The following CCDC149 variants were observed in gnomAD, a reference collection of about 807,000 sequenced individuals.
CCDC149 encodes coiled-coil domain-containing protein 149.
CCDC149 carries 45 observed loss-of-function variants against 59.9 expected under a neutral mutation model. The ratio of observed to expected loss-of-function variants is 0.75; its 90% CI spans 0.59 to 0.96. The LOEUF is 0.96. Among genes scored for constraint, CCDC149 ranks in the 40% least tolerant of loss-of-function variants. The pLI is 0.00. For missense variants in CCDC149, 584 were observed against 664.7 expected (o/e 0.88, Z 1.33); for synonymous variants, 245 against 260.6 (o/e 0.94, Z 0.58).
chr4:24,876,284 T>G (rs1367269048), intron 2 of CCDC149, among the ~76,000 whole-genome samples: 1 of 104,376 alleles, frequency 9.6e-6, no homozygotes, highest in African/African-American at 4.3e-5. Flanking sequence ...AGCATATACA[T>G]ACACACGTAC....
At chr4:24,944,725 C>A (rs1208801865) in intron 1 of CCDC149, among the ~76,000 whole-genome samples, 2 of 152,070 alleles carry the variant, frequency 1.3e-5, no homozygotes, top group African/African-American at 4.8e-5. Context: ...CAAACCTGCA[C>A]GTTCAGCACA....
At chr4:24,924,297 T>C (rs961451680) in intron 1 of CCDC149, among the ~76,000 whole-genome samples, 1 of 152,168 alleles carries the variant, frequency 6.6e-6, no homozygotes, top group African/African-American at 2.4e-5. Flanking sequence ...CTCTTCATCT[T>C]ACACATGTGA....
In CCDC149 at chr4:24,838,789, A is replaced by C. The variant is rs774473589; in HGVS notation, c.373-517T>G. Among the ~76,000 whole-genome samples, 40 of 151,886 alleles carry C rather than the reference A, an allele frequency of 2.6e-4. 1 individual carries two copies. The Middle Eastern group carries it at 0.02, about 77-fold the overall frequency. On this transcript the variant is annotated intron_variant, in intron 4 of 12. Transcript: ENST00000635206. ...TTATTTAAAGAGTTTAAAAAAAAAAAACAAAAAAAAACCAACTAGAAACAA... is the reference window on the plus strand; with the variant it reads ...TTATTTAAAGAGTTTAAAAAAAAAACACAAAAAAAAACCAACTAGAAACAA...
intron 9 of CCDC149, among the ~76,000 whole-genome samples, chr4:24,823,361 T>C (rs1428674516): frequency 6.6e-6 from 1 of 152,188 alleles, no homozygotes; most frequent in Non-Finnish European, 1.5e-5. Flanking sequence ...ACTACATGCA[T>C]GGATAGACAT....
intron 1 of CCDC149, among the ~76,000 whole-genome samples, chr4:24,896,688 G>A (rs1473947948): frequency 6.6e-6 from 1 of 151,980 alleles, no homozygotes; most frequent in Non-Finnish European, 1.5e-5. Flanking sequence ...GAGGGAGGAA[G>A]GAATTGACTT....
intron 12 of CCDC149, among the ~76,000 whole-genome samples, chr4:24,810,678 T>C (rs183591876): frequency 1.3e-5 from 2 of 152,258 alleles, no homozygotes. Flanking sequence ...ATGTAAATGT[T>C]GAATGAAAAT....
intron 1 of CCDC149, among the ~76,000 whole-genome samples, chr4:24,893,457 T>G (rs1233428795): frequency 6.6e-6 from 1 of 152,106 alleles, no homozygotes; most frequent in Non-Finnish European, 1.5e-5. Flanking sequence ...ATTGTAAGAC[T>G]TGTAATCCAC....
At chr4:24,810,062 G>A (rs1714495841) in intron 12 of CCDC149, among the ~76,000 whole-genome samples, 1 of 152,088 alleles carries the variant, frequency 6.6e-6, no homozygotes, top group Non-Finnish European at 1.5e-5. Flanking sequence ...CATCACACGT[G>A]TCCTCCCAGC....
intron 1 of CCDC149, among the ~76,000 whole-genome samples, chr4:24,974,884 G>A (rs981400493): frequency 1.3e-5 from 2 of 152,140 alleles, no homozygotes; most frequent in African/African-American, 4.8e-5. Context: ...GGTTGAAAGG[G>A]GGTTGGGGGA....
chr4:24,865,951 G>A lies in CCDC149; in HGVS notation c.264+7730C>T, dbSNP rs548999748. Among the ~76,000 whole-genome samples the A allele has an allele frequency of 2.6e-5, 4 of 152,248 alleles. No individual in the cohort carries two copies. In the South Asian group the frequency reaches 8.3e-4, roughly 32 times the overall value. The stretch of plus-strand genomic sequence containing the variant: ...GGACAGGACCTGGGATTTCTTCCTA[G>A]TTTCCCTGGTGTAATGAAAAAATCA... On this transcript the variant is annotated intron_variant, in intron 3 of 12. Coordinates refer to ENST00000635206, the MANE Select transcript of CCDC149 (RefSeq NM_001330643.2).
intron 1 of CCDC149, among the ~76,000 whole-genome samples, chr4:24,877,488 T>G (rs981126789): frequency 3.3e-5 from 5 of 152,204 alleles, no homozygotes; most frequent in African/African-American, 1.2e-4. Flanking sequence ...CTGGCCCATG[T>G]AGTTTTTATT....
intron 1 of CCDC149, among the ~76,000 whole-genome samples, chr4:24,880,116 C>T (rs573023191): frequency 6.6e-6 from 1 of 152,336 alleles, no homozygotes; most frequent in East Asian, 1.9e-4. Context: ...CATAACAACA[C>T]TTTAGTCAAT....
intron 1 of CCDC149, among the ~76,000 whole-genome samples, chr4:24,963,687 T>A (rs1723713543): frequency 6.6e-6 from 1 of 152,246 alleles, no homozygotes; most frequent in South Asian, 2.1e-4. Flanking sequence ...CATGCATACT[T>A]ACCTAGTCAT....
At chr4:24,819,291 C>T (rs866373276) in intron 12 of CCDC149, among the ~76,000 whole-genome samples, 37 of 152,194 alleles carry the variant, frequency 2.4e-4, no homozygotes, top group Non-Finnish European at 3.8e-4. Context: ...GACCTGGCCA[C>T]GAACCCAGGT....
chr4:24,831,594 T>C lies in CCDC149; in HGVS notation c.877A>G (p.Ile293Val), dbSNP rs1297319860. The C allele has an allele frequency of 1.2e-6, 2 of 1,613,986 alleles. No individual in the cohort carries two copies. Among genetic ancestry groups the C allele is most frequent in the Non-Finnish European group, 8.5e-7 (1 of 1,180,020 alleles). ...GTTGCCAGAGATTTCAGGTCAGAAA[T>C]GGACTGCGGAGTAGCTGGGAGGCTG... is the stretch of plus-strand genomic sequence containing the variant. The change falls in exon 9 of 13, where the codon ATT becomes GTT. Residue 293 changes from isoleucine to valine, a missense_variant. Ile to Val is a conservative substitution (Grantham distance 29). Transcript: ENST00000635206.
chr4:24,831,402 C>T lies in CCDC149; in HGVS notation c.965+104G>A. The T allele has an allele frequency of 2.6e-6, 3 of 1,173,204 alleles. No homozygotes were observed. The East Asian group carries it at 7.1e-5, about 28-fold the overall frequency. 72.7% of individuals were successfully genotyped at this position (1,173,204 alleles called of 1,614,324 possible). ...TTCCTTCTTGATTTGAGGGGTCTCA[C>T]CTTCCCTGCAGGTCCGTCGTTCCAG... On this transcript the variant is annotated intron_variant, in intron 9 of 12. Coordinates refer to ENST00000635206, the MANE Select transcript of CCDC149 (RefSeq NM_001330643.2).
intron 9 of CCDC149, chr4:24,830,669 A>G (rs1716086621): frequency 6.6e-6 from 1 of 152,152 alleles, no homozygotes; most frequent in Non-Finnish European, 1.5e-5. Flanking sequence ...TCACACTTGC[A>G]TTTTGGTTCC....
rs57205804 is a variant in CCDC149, at chr4:24,931,829, G to GTATATA, written c.-64-36717_-64-36712dup. ...CTCCCTTATATTGTATGGAGAGTAT[G>GTATATA]TATATATATATATATATATATATGC... On this transcript the variant is annotated intron_variant, in intron 1 of 12. Coordinates refer to the CCDC149 transcript ENST00000389609. Among the ~76,000 whole-genome samples the GTATATA allele has an allele frequency of 4.1e-3, 312 of 76,926 alleles. 18 individuals are homozygous for GTATATA. The highest frequency in any genetic ancestry group is 5.3e-3 in the African/African-American group (88 of 16,498). The allele number at this position is 76,926 out of a possible 152,430, so 50.5% of individuals were successfully genotyped here. A position where few individuals can be genotyped will look rare whatever the true frequency, so the allele number is the denominator to read the frequency against.
chr4:24,884,940 A>G (rs1720070768), intron 1 of CCDC149, among the ~76,000 whole-genome samples: 1 of 152,148 alleles, frequency 6.6e-6, no homozygotes, highest in Non-Finnish European at 1.5e-5. Context: ...GTAGAGGGAT[A>G]CATCTTGGTT....
Sources: allele counts gnomAD v4.1 joint callset (sites outside exome capture counted in the v4.1 genomes callset), GRCh38; gene constraint gnomAD v4.1.1; transcripts MANE v1.5; gene names NCBI Gene and HGNC (gene_info 2026-07-23, HGNC 2026-07-21).